GPR89B: variants seen among roughly 807,000 people sequenced by gnomAD.
GPR89B encodes the protein golgi pH regulator B, also known as G protein-coupled receptor 89B.
GPR89B carries 25 observed loss-of-function variants against 52.4 expected under a neutral mutation model. That is an observed-to-expected ratio of 0.48 (90% CI 0.35 to 0.67). The LOEUF is 0.67. Among genes scored for constraint, GPR89B ranks in the 30% least tolerant of loss-of-function variants. The pLI, the probability that GPR89B is intolerant of heterozygous loss-of-function variation, is 0.01. For missense variants in GPR89B, 146 were observed against 450.2 expected (o/e 0.32, Z 6.11); for synonymous variants, 52 against 151.2 (o/e 0.34, Z 4.81).
At chr1:147,930,341 A>G (rs587606673) in intron 1 of GPR89B, among the ~76,000 whole-genome samples, 7 of 152,334 alleles carry the variant, frequency 4.6e-5, no homozygotes, top group African/African-American at 1.7e-4. Flanking sequence ...CCCTGCCCAC[A>G]ACCAAAGTAG....
intron 7 of GPR89B, among the ~76,000 whole-genome samples, chr1:147,958,851 C>T (rs1460618204): frequency 6.6e-6 from 1 of 151,934 alleles, no homozygotes; most frequent in Admixed American, 6.5e-5. Context: ...ATCAGCCTCC[C>T]AGCATGACCC....
chr1:147,990,754 G>T (rs1306226798), intron 12 of GPR89B, among the ~76,000 whole-genome samples: 1 of 151,474 alleles, frequency 6.6e-6, no homozygotes, highest in Non-Finnish European at 1.5e-5. Context: ...AGAGCAGATG[G>T]TTGTAGATGT....
At chr1:147,964,563 G>A (rs1400017121) in intron 7 of GPR89B, among the ~76,000 whole-genome samples, 6 of 151,684 alleles carry the variant, frequency 4.0e-5, no homozygotes, top group Non-Finnish European at 5.9e-5. Context: ...TCCTATTCAC[G>A]CTTCGGAAGG....
the GPR89B span, among the ~76,000 whole-genome samples, chr1:148,000,275 A>G: frequency 5.4e-4 from 82 of 151,108 alleles, no homozygotes; most frequent in African/African-American, 1.9e-3. Flanking sequence ...TCTCCTTTCA[A>G]CTTTAAGCAC....
intron 10 of GPR89B, among the ~76,000 whole-genome samples, chr1:147,985,863 G>A (rs1658624456): frequency 6.6e-6 from 1 of 152,084 alleles, no homozygotes; most frequent in Admixed American, 6.6e-5. Flanking sequence ...TAACCACAAG[G>A]AATTACCCTG....
chr1:147,989,585 C>T (rs1355608862), intron 12 of GPR89B, among the ~76,000 whole-genome samples: 2 of 152,050 alleles, frequency 1.3e-5, no homozygotes, highest in Admixed American at 6.6e-5. Context: ...TCCCCCCTTC[C>T]CCCACCCCAC....
chr1:147,973,207 C>G (rs1378122982), intron 10 of GPR89B, among the ~76,000 whole-genome samples: 2 of 150,778 alleles, frequency 1.3e-5, no homozygotes, highest in African/African-American at 2.4e-5. Context: ...AATGGTATTT[C>G]TGGTGCTAGG....
chr1:148,006,357 T>C, the GPR89B span, among the ~76,000 whole-genome samples: 2 of 152,142 alleles, frequency 1.3e-5, no homozygotes, highest in Admixed American at 6.6e-5. Context: ...ATCTCACCAA[T>C]GTAGGCTAAC....
chr1:148,003,384 G>A, the GPR89B span, among the ~76,000 whole-genome samples: 1 of 151,912 alleles, frequency 6.6e-6, no homozygotes, highest in African/African-American at 2.4e-5. Context: ...GGCTCACACC[G>A]GCTCACAAAA....
chr1:148,021,253 A>G, the GPR89B span, among the ~76,000 whole-genome samples: 4 of 151,460 alleles, frequency 2.6e-5, no homozygotes, highest in Non-Finnish European at 5.9e-5. Context: ...CTGTAATCCC[A>G]GCACTTTGGG....
intron 10 of GPR89B, among the ~76,000 whole-genome samples, chr1:147,977,917 A>G (rs1303278879): frequency 6.6e-6 from 1 of 151,830 alleles, no homozygotes; most frequent in Non-Finnish European, 1.5e-5. Flanking sequence ...GCTTCTTTGC[A>G]TTGGGTTAGA....
chr1:147,945,428 G>T (rs1416744446), intron 5 of GPR89B, among the ~76,000 whole-genome samples: 4 of 152,078 alleles, frequency 2.6e-5, no homozygotes, highest in Admixed American at 2.6e-4. Context: ...ACCCTTCCAT[G>T]TATACTGATT....
intron 10 of GPR89B, among the ~76,000 whole-genome samples, chr1:147,976,685 CATG>C (rs2149083980): frequency 1.3e-5 from 2 of 152,010 alleles, no homozygotes; most frequent in South Asian, 4.1e-4. Context: ...ATCCTGTCAT[CATG>C]ATGCCAGCTG....
rs1659192789 is a variant in GPR89B at position 147,993,212 on chromosome 1, A to G, written c.*295A>G. ...CCAAGAAACTAAAGGTGAAAAATAC[A>G]CTGGAACTCTGGGGCAAGAGATGTC... On this transcript the variant is annotated 3_prime_UTR_variant, in exon 14 of 14. Transcript: ENST00000314163. 2.0e-6 allele frequency: 2 copies of G among 983,474 alleles called. No homozygotes were observed. Among genetic ancestry groups the G allele is most frequent in the African/African-American group, 1.6e-5 (1 of 61,062 alleles). 60.9% of individuals were successfully genotyped at this position (983,474 alleles called of 1,614,324 possible).
chr1:148,019,911 A>G, the GPR89B span, among the ~76,000 whole-genome samples: 1 of 151,662 alleles, frequency 6.6e-6, no homozygotes, highest in Admixed American at 6.6e-5. Flanking sequence ...AGTTAAAAGC[A>G]AGATCTGATC....
chr1:147,979,764 G>T (rs1658100910), intron 10 of GPR89B, among the ~76,000 whole-genome samples: 1 of 151,774 alleles, frequency 6.6e-6, no homozygotes, highest in Non-Finnish European at 1.5e-5. Context: ...TTTCTATTTT[G>T]TTAGATTCAA....
chr1:147,973,043 C>T (rs1278598515), intron 10 of GPR89B, among the ~76,000 whole-genome samples: 2 of 151,416 alleles, frequency 1.3e-5, no homozygotes, highest in African/African-American at 4.9e-5. Context: ...ACCACATTTT[C>T]TTTATCCGGT....
the GPR89B span, among the ~76,000 whole-genome samples, chr1:148,003,281 C>T: frequency 6.6e-6 from 1 of 152,074 alleles, no homozygotes; most frequent in Non-Finnish European, 1.5e-5. Context: ...ACCTAGTGTT[C>T]TTCCTATTGA....
the GPR89B span, among the ~76,000 whole-genome samples, chr1:148,007,354 C>T: frequency 3.9e-5 from 6 of 152,194 alleles, no homozygotes; most frequent in Admixed American, 1.3e-4. Flanking sequence ...GGATTACAGG[C>T]GTGAGCCACT....
Sources: allele counts gnomAD v4.1 joint callset (sites outside exome capture counted in the v4.1 genomes callset), GRCh38; gene constraint gnomAD v4.1.1; transcripts MANE v1.5; gene names NCBI Gene and HGNC (gene_info 2026-07-23, HGNC 2026-07-21).